LMO7: variants seen among roughly 807,000 people sequenced by gnomAD.
LMO7 encodes the protein LIM domain only protein 7.
LMO7 carries 120 observed loss-of-function variants against 206.5 expected under a neutral mutation model. The observed-to-expected ratio is 0.58, with a 90% CI of 0.50 to 0.68. LMO7 has a LOEUF of 0.68. Ranked by LOEUF, LMO7 falls within the 30% of genes least tolerant of loss-of-function variation. LMO7 has a pLI of 0.00. For missense variants in LMO7, 1,959 were observed against 1,957.9 expected (o/e 1.00, Z -0.01); for synonymous variants, 706 against 681.5 (o/e 1.04, Z -0.56).
chr13:75,842,741 C>A (rs951948128), intron 24 of LMO7, 110 bp from the exon 25 acceptor site: 20 of 675,300 alleles, frequency 3.0e-5, no homozygotes, highest in Non-Finnish European at 5.0e-5. Context: ...AACCCAAAGA[C>A]CATTTGCATA....
At chr13:75,762,145 G>C (rs888591652) in intron 4 of LMO7, among the ~76,000 whole-genome samples, 2 of 152,118 alleles carry the variant, frequency 1.3e-5, no homozygotes, top group African/African-American at 2.4e-5. Context: ...TTTTGAACCT[G>C]CTTCTAGTTC....
intron 1 of LMO7, among the ~76,000 whole-genome samples, chr13:75,698,543 C>A (rs1257852564): frequency 6.6e-6 from 1 of 151,628 alleles, no homozygotes; most frequent in African/African-American, 2.4e-5. Flanking sequence ...TTCTACTTGG[C>A]CTCCCAAAGT....
chr13:75,848,431 T>TTATC (rs139984746), intron 26 of LMO7, among the ~76,000 whole-genome samples: 48,507 of 150,290 alleles, frequency 0.32, 7,820 homozygotes, highest in East Asian at 0.43. Context: ...TTCCATGCGA[T>TTATC]TATCTATCTA....
chr13:75,807,278 A>T (rs1180219124), intron 9 of LMO7, among the ~76,000 whole-genome samples: 1 of 152,002 alleles, frequency 6.6e-6, no homozygotes, highest in Non-Finnish European at 1.5e-5. Flanking sequence ...TTCTTTAGGG[A>T]TTATCCAGGA....
chr13:75,837,225 A>G (rs1033678069), intron 19 of LMO7, among the ~76,000 whole-genome samples: 2 of 152,150 alleles, frequency 1.3e-5, no homozygotes, highest in Non-Finnish European at 2.9e-5. Context: ...CTCATCGATT[A>G]TTTAATTTTG....
At chr13:75,817,479 A>T (rs1416569883) in intron 12 of LMO7, among the ~76,000 whole-genome samples, 1 of 152,140 alleles carries the variant, frequency 6.6e-6, no homozygotes, top group Non-Finnish European at 1.5e-5. Context: ...CATTGTGAAA[A>T]ATATACCTGG....
intron 1 of LMO7, among the ~76,000 whole-genome samples, chr13:75,656,638 C>T (rs1321420094): frequency 6.6e-6 from 1 of 152,106 alleles, no homozygotes; most frequent in African/African-American, 2.4e-5. Flanking sequence ...TAGTAGACTA[C>T]AGAAGGTTTA....
intron 1 of LMO7, among the ~76,000 whole-genome samples, chr13:75,640,181 A>G (rs9600511): frequency 0.5 from 73,321 of 145,922 alleles, 17,934 homozygotes; most frequent in Admixed American, 0.6. Context: ...AGCAGCTAGC[A>G]TAAGAATTGC....
At chr13:75,769,989 A>T (rs145028988) in intron 4 of LMO7, among the ~76,000 whole-genome samples, 305 of 152,220 alleles carry the variant, frequency 2.0e-3, no homozygotes, top group African/African-American at 7.1e-3. Context: ...AGAAATAAAA[A>T]TCTCTAACCC....
chr13:75,830,486 T>G (rs1483791386), intron 15 of LMO7, among the ~76,000 whole-genome samples: 3 of 152,192 alleles, frequency 2.0e-5, no homozygotes, highest in Non-Finnish European at 4.4e-5. Flanking sequence ...ATGCCTGTGG[T>G]CACCTGGTTA....
intron 15 of LMO7, among the ~76,000 whole-genome samples, chr13:75,830,957 G>A (rs1054003315): frequency 6.6e-6 from 1 of 151,532 alleles, no homozygotes; most frequent in Admixed American, 6.6e-5. Context: ...TCCTTATATA[G>A]CAAATAGATT....
intron 3 of LMO7, among the ~76,000 whole-genome samples, chr13:75,727,923 G>A (rs909985935): frequency 2.6e-5 from 4 of 151,996 alleles, no homozygotes; most frequent in African/African-American, 7.3e-5. Flanking sequence ...ATGGTTTCCA[G>A]TTTCATCCAT....
intron 1 of LMO7, among the ~76,000 whole-genome samples, chr13:75,651,887 A>C (rs529119910): frequency 1.3e-5 from 2 of 152,252 alleles, no homozygotes; most frequent in East Asian, 3.9e-4. Context: ...ACTTTCTTGA[A>C]AGCCCACCTA....
intron 22 of LMO7, among the ~76,000 whole-genome samples, 192 bp downstream of exon 22, chr13:75,840,687 AAT>A (rs1274620261): frequency 1.3e-5 from 2 of 152,224 alleles, no homozygotes; most frequent in African/African-American, 4.8e-5. Flanking sequence ...ATCCTTTAAA[AAT>A]CATTATTTAT....
chr13:75,666,697 G>T (rs2039098123), intron 1 of LMO7, among the ~76,000 whole-genome samples: 1 of 152,140 alleles, frequency 6.6e-6, no homozygotes, highest in South Asian at 2.1e-4. Context: ...AATATGAAAA[G>T]ACCCTGAGAT....
upstream of LMO7, chr13:75,631,924 T>C (rs1419985246): frequency 6.6e-6 from 1 of 152,146 alleles, no homozygotes; most frequent in African/African-American, 2.4e-5. Context: ...TGGTATAAAT[T>C]CCAAGAAGTG....
At position 75,849,750 on chromosome 13, in the gene LMO7, AT is replaced by A. The variant is rs2139554397; in HGVS notation, c.4364+463del. On this transcript the variant is annotated intron_variant, in intron 27 of 30. Transcript: ENST00000377534. ...TTGGATTCACAAAGTGATAAACCTAATTTTTATAACTTTAAGGAGATAAAGG... is the reference window on the plus strand; with the variant it reads ...TTGGATTCACAAAGTGATAAACCTAATTTTATAACTTTAAGGAGATAAAGG... Among the ~76,000 whole-genome samples the A allele has an allele frequency of 2.0e-5, 3 of 152,300 alleles. 1 individual carries two copies. In the South Asian group the frequency reaches 6.2e-4, roughly 32 times the overall value.
At chr13:75,823,995 A>T in intron 15 of LMO7, 122 bp downstream of exon 15, 1 of 759,856 alleles carries the variant, frequency 1.3e-6, no homozygotes. Context: ...GCAAAATGAT[A>T]TTCTGGTTTA....
intron 4 of LMO7, among the ~76,000 whole-genome samples, chr13:75,764,030 A>G (rs560775929): frequency 1.3e-5 from 2 of 152,218 alleles, no homozygotes; most frequent in African/African-American, 4.8e-5. Flanking sequence ...TAATTTTCTA[A>G]TAATTATTTT....
Sources: allele counts gnomAD v4.1 joint callset (sites outside exome capture counted in the v4.1 genomes callset), GRCh38; gene constraint gnomAD v4.1.1; transcripts MANE v1.5; gene names NCBI Gene and HGNC (gene_info 2026-07-23, HGNC 2026-07-21).